SCAPER: variants seen among roughly 807,000 people sequenced by gnomAD.
SCAPER encodes the protein S-phase cyclin A associated protein in the ER.
In SCAPER, 98 loss-of-function variants were observed where a neutral mutation model predicts 182.2. The observed-to-expected ratio is 0.54, with a 90% confidence interval of 0.46 to 0.64. SCAPER has a LOEUF of 0.64. Ranked by LOEUF, SCAPER falls within the 30% of genes least tolerant of loss-of-function variation. SCAPER has a pLI of 0.00. For synonymous variants in SCAPER, 605 were observed against 564.6 expected (o/e 1.07, Z -1.01); for missense variants, 1,432 against 1,690.0 (o/e 0.85, Z 2.68).
At chr15:76,875,338 G>A (rs553961464) in intron 2 of SCAPER, among the ~76,000 whole-genome samples, 36 of 152,240 alleles carry the variant, frequency 2.4e-4, no homozygotes, top group Non-Finnish European at 4.3e-4. Context: ...ATATATGTAT[G>A]TGTATAAGCA....
At chr15:76,720,677 G>A (rs575783464) in intron 17 of SCAPER, among the ~76,000 whole-genome samples, 1 of 152,186 alleles carries the variant, frequency 6.6e-6, no homozygotes, top group Non-Finnish European at 1.5e-5. Flanking sequence ...CTCTGATGGA[G>A]AGTGATGATG....
At chr15:76,894,502 T>A (rs2017528376) in intron 1 of SCAPER, among the ~76,000 whole-genome samples, 1 of 150,624 alleles carries the variant, frequency 6.6e-6, no homozygotes, top group South Asian at 2.1e-4. Flanking sequence ...CTCAAAGAAC[T>A]AAAAAAAGAA....
chr15:76,371,566 C>G (rs2042178626), intron 29 of SCAPER, among the ~76,000 whole-genome samples: 1 of 151,584 alleles, frequency 6.6e-6, no homozygotes, highest in East Asian at 2.0e-4. Flanking sequence ...GATCCGCCCA[C>G]CCCGGCCTCT....
chr15:76,452,407 T>A (rs1217491876), intron 25 of SCAPER, among the ~76,000 whole-genome samples: 1 of 152,230 alleles, frequency 6.6e-6, no homozygotes, highest in African/African-American at 2.4e-5. Flanking sequence ...ATCTTCATAT[T>A]AAATAACATC....
chr15:76,851,961 A>G (rs2070804251), intron 4 of SCAPER, among the ~76,000 whole-genome samples: 2 of 152,178 alleles, frequency 1.3e-5, no homozygotes, highest in South Asian at 4.1e-4. Flanking sequence ...ACATAGAGAC[A>G]TGCATAGGCT....
chr15:76,411,244 T>C (rs1202974492), intron 26 of SCAPER, among the ~76,000 whole-genome samples: 1 of 152,182 alleles, frequency 6.6e-6, no homozygotes, highest in Non-Finnish European at 1.5e-5. Context: ...TGTTGATTAG[T>C]ATCCCACTGT....
chr15:76,420,955 C>A (rs1034539517), intron 26 of SCAPER, among the ~76,000 whole-genome samples: 1 of 152,220 alleles, frequency 6.6e-6, no homozygotes, highest in East Asian at 1.9e-4. Context: ...TGAACTCATC[C>A]TTTTTTATGG....
chr15:76,532,711 G>C (rs2043784159), intron 23 of SCAPER, among the ~76,000 whole-genome samples: 1 of 152,132 alleles, frequency 6.6e-6, no homozygotes. Context: ...CTTGAAAATA[G>C]CATGCACAGA....
intron 8 of SCAPER, among the ~76,000 whole-genome samples, chr15:76,783,464 G>A (rs1306833027): frequency 6.6e-6 from 1 of 152,148 alleles, no homozygotes; most frequent in African/African-American, 2.4e-5. Flanking sequence ...ACAAATAGGA[G>A]ATGGTATCAT....
intron 23 of SCAPER, among the ~76,000 whole-genome samples, chr15:76,551,542 A>G (rs2045770385): frequency 6.6e-6 from 1 of 152,154 alleles, no homozygotes; most frequent in African/African-American, 2.4e-5. Context: ...AATACTGGCT[A>G]CTGGGGAGGG....
rs888647702 is a variant in SCAPER, at chr15:76,599,407, C to T, written c.2711+22357G>A. ...TATCAAAGGACTTTGCACATTCATG[C>T]CTAGGTGTTCACCCAATAGAAATGA... is the stretch of plus-strand genomic sequence containing the variant. On this transcript the variant is annotated intron_variant, in intron 22 of 31. Coordinates refer to ENST00000563290, the MANE Select transcript of SCAPER (RefSeq NM_020843.4). 1.6e-5 allele frequency among the ~76,000 whole-genome samples: 2 copies of T among 121,636 alleles called. 1 individual carries two copies. Among genetic ancestry groups the T allele is most frequent in the African/African-American group, 5.0e-5 (2 of 39,848 alleles). The allele number at this position is 121,636 out of a possible 152,430, so 79.8% of individuals were successfully genotyped here. A position where few individuals can be genotyped will look rare whatever the true frequency, so the allele number is the denominator to read the frequency against.
intron 22 of SCAPER, among the ~76,000 whole-genome samples, chr15:76,583,403 G>C (rs2048409921): frequency 6.8e-6 from 1 of 146,384 alleles, no homozygotes; most frequent in South Asian, 2.2e-4. Context: ...GATAACCAAA[G>C]CAAAAAATGG....
At chr15:76,687,440 A>G (rs2058092908) in intron 20 of SCAPER, among the ~76,000 whole-genome samples, 1 of 152,124 alleles carries the variant, frequency 6.6e-6, no homozygotes, top group South Asian at 2.1e-4. Context: ...GGCAACATAT[A>G]CTCTTTTTTA....
chr15:76,879,650 A>G (rs181331176), intron 2 of SCAPER, among the ~76,000 whole-genome samples: 1 of 152,258 alleles, frequency 6.6e-6, no homozygotes, highest in Admixed American at 6.5e-5. Flanking sequence ...GAGCCACTGG[A>G]TCAATTCTTA....
chr15:76,764,894 G>C, intron 14 of SCAPER, 67 bp downstream of exon 14: 2 of 858,080 alleles, frequency 2.3e-6, no homozygotes, highest in East Asian at 5.5e-5. Context: ...TCTCAGACCA[G>C]AAGTAGAGTT....
At chr15:76,363,972 A>G (rs943596952) in intron 29 of SCAPER, among the ~76,000 whole-genome samples, 15 of 152,222 alleles carry the variant, frequency 9.9e-5, no homozygotes, top group South Asian at 4.1e-4. Flanking sequence ...CTTGAGGCCA[A>G]TGACCTCTAT....
chr15:76,845,483 C>T (rs575666695), intron 4 of SCAPER, among the ~76,000 whole-genome samples: 1 of 152,084 alleles, frequency 6.6e-6, no homozygotes, highest in African/African-American at 2.4e-5. Context: ...CCACCAAAAA[C>T]TATTAGAACT....
At chr15:76,526,790 AC>A (rs1184263237) in intron 23 of SCAPER, among the ~76,000 whole-genome samples, 1 of 151,206 alleles carries the variant, frequency 6.6e-6, no homozygotes, top group Admixed American at 6.6e-5. Flanking sequence ...TTTCATACTT[AC>A]CTGTTGTTTT....
intron 2 of SCAPER, among the ~76,000 whole-genome samples, chr15:76,876,438 C>CA (rs33959211): frequency 2.3e-4 from 28 of 122,714 alleles, no homozygotes; most frequent in South Asian, 5.3e-4. Context: ...AAAACAAAAG[C>CA]AAAAAAAAAA....
Sources: gnomAD v4.1 joint callset for allele counts (sites outside exome capture counted in the v4.1 genomes callset) on GRCh38, gnomAD v4.1.1 for gene constraint, MANE v1.5 for transcripts, NCBI Gene and HGNC (gene_info 2026-07-23, HGNC 2026-07-21) for gene names.